OSMR: variants seen among roughly 807,000 people sequenced by gnomAD.
OSMR encodes the protein oncostatin-M-specific receptor subunit beta.
In OSMR, 81 loss-of-function variants were observed where a neutral mutation model predicts 99.9. The ratio of observed to expected loss-of-function variants is 0.81; its 90% CI spans 0.68 to 0.97. The LOEUF is 0.97. Among genes scored for constraint, OSMR ranks in the 50% least tolerant of loss-of-function variants. The pLI, the probability that OSMR is intolerant of heterozygous loss-of-function variation, is 0.00. For synonymous variants in OSMR, 406 were observed against 410.4 expected (o/e 0.99, Z 0.13); for missense variants, 1,099 against 1,153.4 (o/e 0.95, Z 0.68).
At chr5:38,885,799 G>C (rs1459820737) in intron 6 of OSMR, 1 of 835,664 alleles carries the variant, frequency 1.2e-6, no homozygotes, top group Non-Finnish European at 1.4e-6. Flanking sequence ...AGTAAATTAA[G>C]GGATGTTCTT....
At chr5:38,936,613 G>A (rs552366773), downstream of OSMR, among the ~76,000 whole-genome samples, 9 of 152,296 alleles carry the variant, frequency 5.9e-5, no homozygotes, top group Admixed American at 2.6e-4. Flanking sequence ...GATGAAGAAC[G>A]TCAAGACTTA....
At chr5:38,904,138 G>T (rs1157062852) in intron 8 of OSMR, 114 bp downstream of exon 8, 1 of 1,544,616 alleles carries the variant, frequency 6.5e-7, no homozygotes, top group Non-Finnish European at 8.7e-7. Flanking sequence ...CAAATGGTGT[G>T]GGTCATCTGT....
chr5:38,859,183 A>G (rs1741087275), intron 1 of OSMR, among the ~76,000 whole-genome samples: 1 of 152,094 alleles, frequency 6.6e-6, no homozygotes, highest in African/African-American at 2.4e-5. Context: ...GCCTTGACCA[A>G]TGTTCAGAAG....
In OSMR at chr5:38,917,576, T is replaced by C. The variant is rs199889620; in HGVS notation, c.1316T>C (p.Ile439Thr). The change falls in exon 10 of 18, where the codon ATT (isoleucine) becomes ACT (threonine). Residue 439 changes from isoleucine to threonine, a missense_variant. By Grantham distance (89) the Ile-to-Thr change is moderately conservative. Coordinates refer to ENST00000274276, the MANE Select transcript of OSMR (RefSeq NM_003999.3). ...TCAGAGGCCCCTGATGTCTGGAGAA[T>C]TGTGAGCTTGGAGCCAGGAAATCAT... is the stretch of plus-strand genomic sequence containing the variant. ...APSEAPDVWR[I>T]VSLEPGNHTV... 13 of 1,613,586 alleles carry C rather than the reference T, an allele frequency of 8.1e-6. No individual in the cohort carries two copies. The highest frequency in any genetic ancestry group is 1.6e-4 in the Middle Eastern group (1 of 6,080).
At chr5:38,867,630 C>T (rs395157) in intron 1 of OSMR, among the ~76,000 whole-genome samples, 71,135 of 152,082 alleles carry the variant, frequency 0.47, 16,905 homozygotes, top group South Asian at 0.6. Flanking sequence ...AGATTTTTCC[C>T]GTGGTCAAAG....
chr5:38,939,726 A>T (rs1007645215), downstream of OSMR: 1 of 229,528 alleles, frequency 4.4e-6, no homozygotes. Flanking sequence ...ATGGACTAAG[A>T]TTAATCCTAA....
At chr5:38,862,752 C>T (rs1178476313) in intron 1 of OSMR, among the ~76,000 whole-genome samples, 15 of 149,340 alleles carry the variant, frequency 1.0e-4, no homozygotes, top group African/African-American at 2.2e-4. Context: ...CCTCACTTCC[C>T]AGACGGGGTG....
intron 2 of OSMR, among the ~76,000 whole-genome samples, chr5:38,875,064 C>G (rs116234941): frequency 4.6e-5 from 7 of 152,266 alleles, no homozygotes; most frequent in Non-Finnish European, 1.0e-4. Flanking sequence ...TTAAACGTAA[C>G]GTTTGAGGGG....
intron 13 of OSMR, 109 bp from the exon 14 acceptor site, chr5:38,924,313 A>G (rs1054025462): frequency 6.4e-7 from 1 of 1,572,652 alleles, no homozygotes; most frequent in African/African-American, 1.4e-5. Context: ...ACTTGGCATA[A>G]GCTGTTACAA....
intron 15 of OSMR, among the ~76,000 whole-genome samples, chr5:38,929,085 T>C (rs1218214437): frequency 1.3e-5 from 2 of 152,140 alleles, no homozygotes; most frequent in Non-Finnish European, 2.9e-5. Flanking sequence ...TTAAAAAAAA[T>C]AGGTATACTA....
intron 16 of OSMR, 109 bp from the exon 17 acceptor site, chr5:38,932,354 A>G (rs1471718836): frequency 2.5e-6 from 2 of 796,074 alleles, no homozygotes; most frequent in Non-Finnish European, 4.4e-6. Flanking sequence ...AACTTGCTTA[A>G]TAAGTTACAA....
intron 7 of OSMR, among the ~76,000 whole-genome samples, chr5:38,894,964 C>A (rs763636987): frequency 1.8e-4 from 27 of 148,422 alleles, no homozygotes; most frequent in Non-Finnish European, 3.4e-4. Flanking sequence ...GGCCATAAAT[C>A]AAGTCTCAAT....
At chr5:38,898,814 A>G (rs773513099) in intron 7 of OSMR, among the ~76,000 whole-genome samples, 19 of 152,020 alleles carry the variant, frequency 1.2e-4, no homozygotes, top group Non-Finnish European at 2.6e-4. Context: ...GAGGCTTGCA[A>G]ATACTATCTT....
chr5:38,896,152 C>T (rs994304473), intron 7 of OSMR, among the ~76,000 whole-genome samples: 2 of 151,850 alleles, frequency 1.3e-5, no homozygotes, highest in Admixed American at 6.6e-5. Flanking sequence ...GTTCCATATA[C>T]ATTTTAGGAT....
At chr5:38,877,186 A>G (rs1742906671) in intron 3 of OSMR, among the ~76,000 whole-genome samples, 2 of 152,200 alleles carry the variant, frequency 1.3e-5, no homozygotes, top group Non-Finnish European at 2.9e-5. Context: ...ATTTTCCTAC[A>G]GGTAAGAGAA....
intron 7 of OSMR, among the ~76,000 whole-genome samples, chr5:38,899,255 G>A (rs1000691543): frequency 3.3e-5 from 5 of 152,032 alleles, no homozygotes; most frequent in Non-Finnish European, 5.9e-5. Context: ...CACTGTGTCC[G>A]GCCTAAGGCC....
chr5:38,881,600 A>C lies in OSMR; in HGVS notation c.254A>C (p.Tyr85Ser). The change falls in exon 4 of 18, where the codon TAC (tyrosine) becomes TCC (serine). Residue 85 changes from tyrosine (Y) to serine (S), a missense_variant. Tyr to Ser is a moderately radical substitution (Grantham distance 144). Transcript: ENST00000274276. ...TTTTCTCTTTGCTTTTAGGGGAATT[A>C]CAGCACCACTGTGAAGTGGAACCAG... is the stretch of plus-strand genomic sequence containing the variant. ...ETSNVIWVGN[Y>S]STTVKWNQVL... is the part of the protein sequence containing the mutation. 6 of 1,614,180 alleles carry C rather than the reference A, an allele frequency of 3.7e-6. No homozygotes were observed. Among genetic ancestry groups the C allele is most frequent in the Non-Finnish European group, 5.1e-6 (6 of 1,180,020 alleles).
chr5:38,924,249 C>T (rs1296051986), intron 13 of OSMR, 173 bp from the exon 14 acceptor site: 25 of 939,340 alleles, frequency 2.7e-5, no homozygotes, highest in Non-Finnish European at 3.0e-5. Context: ...CTTCACAGCT[C>T]TCATAAACTA....
chr5:38,922,198 C>G (rs1262453496), intron 12 of OSMR, among the ~76,000 whole-genome samples: 1 of 152,064 alleles, frequency 6.6e-6, no homozygotes, highest in Non-Finnish European at 1.5e-5. Context: ...ACATGTAGAA[C>G]TTGTTCTCTT....
Sources: allele counts gnomAD v4.1 joint callset (sites outside exome capture counted in the v4.1 genomes callset), GRCh38; gene constraint gnomAD v4.1.1; transcripts MANE v1.5; gene names NCBI Gene and HGNC (gene_info 2026-07-23, HGNC 2026-07-21).